RXYLT1: variants seen among roughly 807,000 people sequenced by gnomAD.
RXYLT1 encodes the protein ribitol-5-phosphate xylosyltransferase 1.
In RXYLT1, 41 loss-of-function variants were observed where a neutral mutation model predicts 43.5. That is an observed-to-expected ratio of 0.94 (90% CI 0.73 to 1.22). The LOEUF (loss-of-function observed/expected upper bound fraction) is 1.22. RXYLT1 is among the 50% of genes most tolerant of loss of function. The pLI, the probability that RXYLT1 is intolerant of heterozygous loss-of-function variation, is 0.00. For missense variants in RXYLT1, 514 were observed against 532.0 expected, an observed-to-expected ratio of 0.97 and a Z score of 0.33; for synonymous variants, 166 against 194.4, an observed-to-expected ratio of 0.85 and a Z score of 1.21.
Position 63,780,099 on chromosome 12 carries a change from G to A in RXYLT1, c.139G>A (p.Ala47Thr). 2.6e-6 allele frequency: 4 copies of A among 1,550,722 alleles called. No homozygotes were observed. Among genetic ancestry groups the A allele is most frequent in the Admixed American group, 1.9e-5 (1 of 51,536 alleles). Reference protein sequence around the residue: ...AGSPRGLRKGAAPARERRGRE... With the variant: ...AGSPRGLRKGTAPARERRGRE... Reference sequence around the variant, plus strand: ...GTCCCCGCGGGGCCTCAGGAAGGGGGCGGCCCCCGCGCGGGAGAGACGCGG... The same window carrying A: ...GTCCCCGCGGGGCCTCAGGAAGGGGACGGCCCCCGCGCGGGAGAGACGCGG... Residue 47 changes from alanine (A) to threonine (T), a missense_variant, in exon 1 of 6, where the codon GCG becomes ACG. Ala to Thr is a moderately conservative substitution (Grantham distance 58). Coordinates refer to ENST00000261234, the MANE Select transcript of RXYLT1 (RefSeq NM_014254.3).
In RXYLT1 at chr12:63,781,098, T is replaced by A. The variant is rs368967532; in HGVS notation, c.249T>A (p.Thr83=). The A allele has an allele frequency of 6.2e-7, 1 of 1,610,062 alleles. No homozygotes were observed. The highest frequency in any genetic ancestry group is 2.2e-5 in the East Asian group (1 of 44,530). Residue 83 remains threonine, a synonymous_variant, in exon 2 of 6, where the codon ACT becomes ACA. Coordinates refer to ENST00000261234, the MANE Select transcript of RXYLT1 (RefSeq NM_014254.3). ...ATGAGCAACAACACAGATTTAAAAC[T>A]AGCCTTCAAATATTAGATAAATCCA... ...EKNEQQHRFK[T]SLQILDKSTK...
chr12:63,785,141 TA>T (rs1351399549), intron 3 of RXYLT1, 69 bp downstream of exon 3: 41 of 1,041,868 alleles, frequency 3.9e-5, no homozygotes, highest in Non-Finnish European at 5.6e-5. Context: ...CTGTAAATAC[TA>T]AAAGAAAAAT....
At chr12:63,790,676 C>G (rs918733995) in intron 3 of RXYLT1, 5 of 152,310 alleles carry the variant, frequency 3.3e-5, no homozygotes, top group African/African-American at 7.2e-5. Context: ...GCGCCCATCA[C>G]CATGCCCAAC....
chr12:63,804,836 C>T, intron 4 of RXYLT1: 1 of 156,534 alleles, frequency 6.4e-6, no homozygotes, highest in Non-Finnish European at 1.4e-5. Context: ...ATCTCCCTCC[C>T]CTGGAGTATT....
At chr12:63,798,888 T>C (rs1347589653) in intron 3 of RXYLT1, among the ~76,000 whole-genome samples, 1 of 152,244 alleles carries the variant, frequency 6.6e-6, no homozygotes, top group East Asian at 1.9e-4. Context: ...AGTTTTTCTT[T>C]CAGTGTCTGT....
At chr12:63,781,497 T>C (rs1897683461) in intron 2 of RXYLT1, among the ~76,000 whole-genome samples, 1 of 152,220 alleles carries the variant, frequency 6.6e-6, no homozygotes, top group Non-Finnish European at 1.5e-5. Context: ...TTTGGACACT[T>C]GATACACAAG....
intron 3 of RXYLT1, among the ~76,000 whole-genome samples, chr12:63,798,824 G>A (rs1013328997): frequency 6.6e-6 from 1 of 152,136 alleles, no homozygotes; most frequent in Non-Finnish European, 1.5e-5. Context: ...TGCTCAACAG[G>A]TGCACACATG....
chr12:63,792,413 T>A (rs1897936964), intron 3 of RXYLT1, among the ~76,000 whole-genome samples: 1 of 152,198 alleles, frequency 6.6e-6, no homozygotes, highest in East Asian at 1.9e-4. Context: ...GTAGTCAACA[T>A]AAAGAAATGA....
rs1405833644 is a variant in RXYLT1, at chr12:63,781,025, C to A, written c.176C>A (p.Ser59Tyr). Residue 59 changes from serine (S) to tyrosine (Y), a missense_variant, in exon 2 of 6, where the codon TCC becomes TAC. Physicochemically the swap from Ser to Tyr is moderately radical, Grantham distance 144 (BLOSUM62 -2). Transcript: ENST00000261234. Reference sequence around the variant, plus strand: ...CTTACTCTTTTTAAAACAGAACAGTCCACTTTGGAAAGTGAAGAATGGAAT... The same window carrying A: ...CTTACTCTTTTTAAAACAGAACAGTACACTTTGGAAAGTGAAGAATGGAAT... ...PARERRGREQ[S>Y]TLESEEWNPW... 6.3e-7 allele frequency: 1 copy of A among 1,594,174 alleles called. No homozygotes were observed. Among genetic ancestry groups the A allele is most frequent in the Non-Finnish European group, 8.5e-7 (1 of 1,172,210 alleles).
In RXYLT1 at chr12:63,788,759, T is replaced by A. The variant is rs557054284; in HGVS notation, c.428+3687T>A. Among the ~76,000 whole-genome samples the A allele has an allele frequency of 3.3e-5, 5 of 152,348 alleles. No individual in the cohort carries two copies. In the South Asian group the frequency reaches 1.0e-3, roughly 32 times the overall value. ...GCAATAAGACTATTTCACCTTCACA[T>A]CATTCATGTTGTTCACTGGAGTAGC... On this transcript the variant is annotated intron_variant, in intron 3 of 5. Transcript: ENST00000261234.
At chr12:63,790,407 A>C (rs1029755239) in intron 3 of RXYLT1, 3 of 152,278 alleles carry the variant, frequency 2.0e-5, no homozygotes, top group African/African-American at 7.2e-5. Context: ...GCATGAATAC[A>C]TACAGGGCAA....
chr12:63,780,411 A>C, intron 1 of RXYLT1: 2 of 1,239,480 alleles, frequency 1.6e-6, no homozygotes, highest in Admixed American at 4.3e-5. Flanking sequence ...CGTCGTCTCA[A>C]ATGCCAGAGA....
intron 3 of RXYLT1, among the ~76,000 whole-genome samples, chr12:63,786,493 G>A (rs1197603483): frequency 2.6e-5 from 4 of 151,448 alleles, no homozygotes; most frequent in African/African-American, 9.7e-5. Context: ...TCTATTAAGT[G>A]TGTAATAGTA....
chr12:63,796,955 TTC>T (rs1412747793), intron 3 of RXYLT1, among the ~76,000 whole-genome samples: 10 of 150,146 alleles, frequency 6.7e-5, no homozygotes, highest in South Asian at 2.1e-4. Context: ...ATATTTCTTT[TTC>T]TTTTTCTTTT....
At chr12:63,802,447 C>T in intron 4 of RXYLT1, 42 bp downstream of exon 4, 1 of 1,485,244 alleles carries the variant, frequency 6.7e-7, no homozygotes, top group Non-Finnish European at 9.0e-7. Flanking sequence ...GCCCTAACAC[C>T]TGAATTTCTG....
intron 2 of RXYLT1, 73 bp downstream of exon 2, chr12:63,781,247 T>C (rs1897677265): frequency 7.7e-7 from 1 of 1,300,878 alleles, no homozygotes; most frequent in Non-Finnish European, 1.0e-6. Flanking sequence ...AAATTCATTT[T>C]AATATAATTT....
At chr12:63,796,943 T>C (rs1307843060) in intron 3 of RXYLT1, among the ~76,000 whole-genome samples, 4 of 150,840 alleles carry the variant, frequency 2.7e-5, no homozygotes, top group Non-Finnish European at 5.9e-5. Flanking sequence ...CTAAAGAAAA[T>C]TATATTTCTT....
rs139761118 is a variant in RXYLT1, at chr12:63,788,356, T to A, written c.428+3284T>A. The stretch of plus-strand genomic sequence containing the variant: ...TGAAGCTTTGAAGCCAGGCATTGAC[T>A]TCTCTCTAGCTATGAAAGTCCTAGA... On this transcript the variant is annotated intron_variant, in intron 3 of 5. Coordinates refer to ENST00000261234, the MANE Select transcript of RXYLT1 (RefSeq NM_014254.3). Among the ~76,000 whole-genome samples the A allele has an allele frequency of 9.7e-3, 1,478 of 152,330 alleles. 21 individuals carry two copies. Among genetic ancestry groups the A allele is most frequent in the African/African-American group, 0.034 (1,412 of 41,570 alleles).
rs553547594 is a variant in RXYLT1 at position 63,808,837 on chromosome 12, T to C, written c.1077T>C (p.Ala359=). ...CTGTGGTGGAAGACGTGATGACAGC[T>C]GGCAACTGTGGGAATACATCTGTGC... The part of the protein sequence containing the change: ...SIPVVEDVMT[A]GNCGNTSVHH... Residue 359 remains alanine (A), a synonymous_variant, in exon 6 of 6, where the codon GCT becomes GCC. Transcript: ENST00000261234. The C allele has an allele frequency of 1.9e-5, 30 of 1,614,168 alleles. No individual in the cohort carries two copies. The South Asian group carries it at 2.7e-4, about 15-fold the overall frequency.
Sources: gnomAD v4.1 joint callset for allele counts (sites outside exome capture counted in the v4.1 genomes callset) on GRCh38, gnomAD v4.1.1 for gene constraint, MANE v1.5 for transcripts, NCBI Gene and HGNC (gene_info 2026-07-23, HGNC 2026-07-21) for gene names.